Variants in DMRT1 observed in about 807,000 individuals in gnomAD.
The protein encoded by DMRT1 is doublesex- and mab-3-related transcription factor 1.
In DMRT1, 7 loss-of-function variants were observed where a neutral mutation model predicts 32.3. The ratio of observed to expected loss-of-function variants is 0.22; its 90% CI spans 0.12 to 0.41. DMRT1 has a LOEUF of 0.41. DMRT1 is among the 10% of genes least tolerant of loss of function. The probability of loss-of-function intolerance (pLI) is 1.00; values close to 1 mark genes in which losing one functional copy is unlikely to be tolerated. For missense variants in DMRT1, 625 were observed against 500.5 expected, an observed-to-expected ratio of 1.25 and a Z score of -2.37; for synonymous variants, 278 against 206.1, an observed-to-expected ratio of 1.35 and a Z score of -2.99.
At chr9:876,415 G>A (rs1039277709) in intron 2 of DMRT1, among the ~76,000 whole-genome samples, 4 of 152,110 alleles carry the variant, frequency 2.6e-5, no homozygotes, top group Non-Finnish European at 5.9e-5. Flanking sequence ...GTCTGTCTTT[G>A]GAGCTTAAGA....
chr9:863,225 G>C (rs1490449125), intron 2 of DMRT1, among the ~76,000 whole-genome samples: 1 of 151,580 alleles, frequency 6.6e-6, no homozygotes, highest in Non-Finnish European at 1.5e-5. Context: ...GGCTGAGGTG[G>C]GAGGATTGCC....
intron 4 of DMRT1, among the ~76,000 whole-genome samples, chr9:949,732 C>A (rs1044426470): frequency 6.6e-6 from 1 of 152,186 alleles, no homozygotes. Context: ...CCCTTTCTCT[C>A]AGGCCCTGTA....
Position 930,697 on chromosome 9 carries a change from C to T in DMRT1, c.967+13790C>T, listed in dbSNP as rs181015281. Among the ~76,000 whole-genome samples, 430 of 152,198 alleles carry T rather than the reference C, an allele frequency of 2.8e-3. 3 individuals are homozygous for T. The highest frequency in any genetic ancestry group is 4.4e-3 in the South Asian group (21 of 4,804). ...TGCTGGGATTACAGACATGAGCCAC[C>T]GCACCCGGCCAATTTTAAAAAATTT... On this transcript the variant is annotated intron_variant, in intron 4 of 4. Coordinates refer to ENST00000382276, the MANE Select transcript of DMRT1 (RefSeq NM_021951.3).
intron 4 of DMRT1, among the ~76,000 whole-genome samples, chr9:954,861 C>T (rs913753465): frequency 1.5e-4 from 23 of 152,126 alleles, no homozygotes; most frequent in African/African-American, 5.5e-4. Flanking sequence ...AGGCTGGTCT[C>T]GGACTCCTGA....
chr9:888,884 TG>T (rs1465228515), intron 2 of DMRT1, among the ~76,000 whole-genome samples: 2 of 151,868 alleles, frequency 1.3e-5, no homozygotes, highest in Admixed American at 1.3e-4. Flanking sequence ...CCCAGCACTT[TG>T]GGAGGGTAAG....
intron 1 of DMRT1, chr9:842,453 C>T (rs961561777): frequency 2.0e-5 from 10 of 491,178 alleles, no homozygotes; most frequent in Admixed American, 3.6e-5. Flanking sequence ...TCAGGCCGGT[C>T]TCGAGCTCCT....
chr9:962,790 A>G (rs1322564086), intron 4 of DMRT1, among the ~76,000 whole-genome samples: 1 of 152,110 alleles, frequency 6.6e-6, no homozygotes, highest in East Asian at 1.9e-4. Flanking sequence ...TGAACTCTGT[A>G]AGTGGGGGAG....
At chr9:880,272 C>T (rs1488244666) in intron 2 of DMRT1, among the ~76,000 whole-genome samples, 1 of 152,154 alleles carries the variant, frequency 6.6e-6, no homozygotes, top group African/African-American at 2.4e-5. Context: ...CATTGAGTCA[C>T]ACAGTTTTTA....
intron 3 of DMRT1, among the ~76,000 whole-genome samples, chr9:901,758 A>G (rs1339640054): frequency 1.3e-5 from 2 of 151,540 alleles, no homozygotes; most frequent in Non-Finnish European, 2.9e-5. Flanking sequence ...CTGGATGGAG[A>G]AAGCGGGAGT....
At chr9:959,626 G>A (rs1408470873) in intron 4 of DMRT1, among the ~76,000 whole-genome samples, 1 of 152,102 alleles carries the variant, frequency 6.6e-6, no homozygotes, top group Non-Finnish European at 1.5e-5. Flanking sequence ...CTCCTGGGTT[G>A]AAGCGATTCT....
intron 4 of DMRT1, among the ~76,000 whole-genome samples, chr9:929,706 G>C (rs886485365): frequency 1.3e-5 from 2 of 151,962 alleles, no homozygotes; most frequent in Non-Finnish European, 1.5e-5. Context: ...TTGTTCCGTT[G>C]TCCCCCTGTT....
chr9:904,566 T>C (rs1420969948), intron 3 of DMRT1, among the ~76,000 whole-genome samples: 7 of 152,254 alleles, frequency 4.6e-5, no homozygotes, highest in African/African-American at 1.7e-4. Flanking sequence ...TGATTGTTTT[T>C]ATTGAGTGGC....
intron 1 of DMRT1, among the ~76,000 whole-genome samples, chr9:844,035 T>C (rs1393064658): frequency 6.6e-6 from 1 of 152,214 alleles, no homozygotes; most frequent in Non-Finnish European, 1.5e-5. Flanking sequence ...AAAAATTCTC[T>C]AAACATTTAG....
chr9:916,478 T>A (rs555448442), intron 3 of DMRT1, among the ~76,000 whole-genome samples: 4 of 152,126 alleles, frequency 2.6e-5, no homozygotes, highest in Non-Finnish European at 5.9e-5. Flanking sequence ...TCAAGTGATC[T>A]TCCTACCTCA....
intron 4 of DMRT1, among the ~76,000 whole-genome samples, chr9:958,468 G>A (rs928247874): frequency 6.6e-6 from 1 of 152,192 alleles, no homozygotes; most frequent in Admixed American, 6.5e-5. Context: ...CTGGCTTCAA[G>A]TGATTCTCCT....
At chr9:927,703 T>C (rs529712769) in intron 4 of DMRT1, among the ~76,000 whole-genome samples, 2 of 152,346 alleles carry the variant, frequency 1.3e-5, no homozygotes, top group South Asian at 2.1e-4. Context: ...CGCTTCCTGG[T>C]GTAAAGAATG....
intron 2 of DMRT1, among the ~76,000 whole-genome samples, chr9:852,881 G>T (rs1815221160): frequency 6.6e-6 from 1 of 152,162 alleles, no homozygotes; most frequent in Non-Finnish European, 1.5e-5. Context: ...CTTTTCTTCA[G>T]CAGTTACTCC....
intron 2 of DMRT1, among the ~76,000 whole-genome samples, chr9:856,445 A>C (rs1179277650): frequency 6.6e-6 from 1 of 152,162 alleles, no homozygotes; most frequent in African/African-American, 2.4e-5. Flanking sequence ...CTGTCTCTAC[A>C]GAGGTGTCTA....
At chr9:895,166 A>G (rs964562456) in intron 3 of DMRT1, among the ~76,000 whole-genome samples, 3 of 152,182 alleles carry the variant, frequency 2.0e-5, no homozygotes, top group Non-Finnish European at 4.4e-5. Context: ...TGATATTTGG[A>G]GTAAAACAAA....
Sources: allele counts gnomAD v4.1 joint callset (sites outside exome capture counted in the v4.1 genomes callset), GRCh38; gene constraint gnomAD v4.1.1; transcripts MANE v1.5; gene names NCBI Gene and HGNC (gene_info 2026-07-23, HGNC 2026-07-21).